Variants in PRKCE observed in about 807,000 individuals in gnomAD.
PRKCE encodes protein kinase C epsilon, also known as protein kinase C epsilon type.
A neutral mutation model predicts 85.4 loss-of-function variants in PRKCE; 16 were observed. That is an observed-to-expected ratio of 0.19 (90% CI 0.13 to 0.28). The LOEUF is 0.28. PRKCE is among the 10% of genes least tolerant of loss of function. The probability of loss-of-function intolerance (pLI) is 1.00; values close to 1 mark genes in which losing one functional copy is unlikely to be tolerated. For missense variants in PRKCE, 573 were observed against 975.2 expected, an observed-to-expected ratio of 0.59 and a Z score of 5.49; for synonymous variants, 388 against 371.5, an observed-to-expected ratio of 1.04 and a Z score of -0.51.
intron 14 of PRKCE, among the ~76,000 whole-genome samples, chr2:46,173,400 G>C (rs1398348719): frequency 6.6e-6 from 1 of 152,186 alleles, no homozygotes; most frequent in African/African-American, 2.4e-5. Flanking sequence ...CTTGCTCCAG[G>C]GGTGGGAACC....
intron 10 of PRKCE, among the ~76,000 whole-genome samples, chr2:46,085,741 T>TTTTTTTG: frequency 3.5e-5 from 1 of 28,882 alleles, no homozygotes; most frequent in African/African-American, 8.9e-5. Flanking sequence ...AATCCGTTTT[T>TTTTTTTG]TTTTTTTGTT....
rs570564416 is a variant in PRKCE, at chr2:45,938,437, A to G, written c.413-37992A>G. ...GCAAAATCTAGGACTATCCTTAGTGACTTGGAACCTACATCCTCCCTACCC... is the reference window on the plus strand; with the variant it reads ...GCAAAATCTAGGACTATCCTTAGTGGCTTGGAACCTACATCCTCCCTACCC... On this transcript the variant is annotated intron_variant, in intron 2 of 14. Coordinates refer to ENST00000306156, the MANE Select transcript of PRKCE (RefSeq NM_005400.3). 9.8e-5 allele frequency among the ~76,000 whole-genome samples: 15 copies of G among 152,308 alleles called. No individual in the cohort carries two copies. The South Asian group carries it at 2.7e-3, about 27-fold the overall frequency.
intron 1 of PRKCE, among the ~76,000 whole-genome samples, chr2:45,783,931 T>C (rs571528586): frequency 1.1e-4 from 16 of 152,366 alleles, no homozygotes; most frequent in Non-Finnish European, 2.2e-4. Flanking sequence ...CATTCATTTC[T>C]TTCTTCATCT....
intron 2 of PRKCE, among the ~76,000 whole-genome samples, chr2:45,922,189 A>T (rs1020485114): frequency 6.6e-6 from 1 of 152,200 alleles, no homozygotes; most frequent in African/African-American, 2.4e-5. Context: ...CTCTGTTGAC[A>T]TTGGTTTGAG....
At chr2:45,951,007 G>A (rs1263214318) in intron 2 of PRKCE, among the ~76,000 whole-genome samples, 2 of 152,170 alleles carry the variant, frequency 1.3e-5, no homozygotes, top group Non-Finnish European at 2.9e-5. Context: ...TAGTGTCCTT[G>A]TACATCCCCA....
intron 1 of PRKCE, among the ~76,000 whole-genome samples, chr2:45,682,588 G>C (rs1011571253): frequency 6.6e-6 from 1 of 151,938 alleles, no homozygotes; most frequent in Non-Finnish European, 1.5e-5. Context: ...CACCTTGCCT[G>C]GCTAATTTTC....
chr2:45,976,521 G>C lies in PRKCE; in HGVS notation c.505G>C (p.Gly169Arg). Residue 169 changes from glycine to arginine, a missense_variant, in exon 3 of 15, where the codon GGC becomes CGC. This residue lies in a region of PRKCE where 29 missense variants were observed against 96.2 expected (regional missense o/e 0.30). Transcript: ENST00000306156. ...AVRRRVHQVN[G>R]HKFMATYLRQ... ...CAGGCGCAGGGTCCATCAGGTCAAC[G>C]GCCACAAGTTCATGGCCACCTATCT... 1 of 1,599,774 alleles carries C rather than the reference G, an allele frequency of 6.3e-7. No individual in the cohort carries two copies. Among genetic ancestry groups the C allele is most frequent in the Non-Finnish European group, 8.5e-7 (1 of 1,179,970 alleles).
intron 12 of PRKCE, among the ~76,000 whole-genome samples, chr2:46,148,988 A>G (rs966618885): frequency 6.6e-6 from 1 of 152,210 alleles, no homozygotes; most frequent in Non-Finnish European, 1.5e-5. Flanking sequence ...TAAACAGATT[A>G]CCAGCCCCAA....
intron 11 of PRKCE, among the ~76,000 whole-genome samples, chr2:46,126,560 G>A (rs1673880067): frequency 6.6e-6 from 1 of 152,160 alleles, no homozygotes; most frequent in Non-Finnish European, 1.5e-5. Flanking sequence ...GCCTGAAAGT[G>A]AACACTTAAT....
intron 1 of PRKCE, among the ~76,000 whole-genome samples, chr2:45,781,815 G>A (rs1177367452): frequency 1.3e-5 from 2 of 152,050 alleles, no homozygotes; most frequent in Non-Finnish European, 1.5e-5. Flanking sequence ...CACAGTGCGG[G>A]GTTACTTCTG....
chr2:46,073,082 C>T (rs1304613168), intron 10 of PRKCE, among the ~76,000 whole-genome samples: 1 of 152,154 alleles, frequency 6.6e-6, no homozygotes, highest in South Asian at 2.1e-4. Flanking sequence ...AAAATGCTAC[C>T]AAGGGGTTCT....
chr2:45,743,425 G>A (rs1682748977), intron 1 of PRKCE, among the ~76,000 whole-genome samples: 1 of 151,940 alleles, frequency 6.6e-6, no homozygotes, highest in Non-Finnish European at 1.5e-5. Flanking sequence ...AAATAGCCAG[G>A]AGCCACCTGA....
At chr2:45,667,737 C>T (rs1253447028) in intron 1 of PRKCE, among the ~76,000 whole-genome samples, 3 of 151,912 alleles carry the variant, frequency 2.0e-5, no homozygotes, top group African/African-American at 7.3e-5. Context: ...ACTGAGTTCC[C>T]ATATACCCCC....
At chr2:45,912,411 C>T (rs1414927503) in intron 2 of PRKCE, among the ~76,000 whole-genome samples, 1 of 152,166 alleles carries the variant, frequency 6.6e-6, no homozygotes, top group African/African-American at 2.4e-5. Context: ...GCACACGTTG[C>T]CATCATCCCG....
At chr2:45,804,966 T>G (rs1162534076) in intron 1 of PRKCE, among the ~76,000 whole-genome samples, 1 of 141,528 alleles carries the variant, frequency 7.1e-6, no homozygotes, top group Non-Finnish European at 1.5e-5. Flanking sequence ...TTTTTTTGCA[T>G]TTGCTCTATG....
At position 46,001,374 on chromosome 2, in the gene PRKCE, T is replaced by TAG. The variant is rs566073470; in HGVS notation, c.824-29_824-28insGA. ...AGCAACATCTTAGGCCATGAACACTTATCTGTCTTTTCTCCATGTCTCCTT... is the reference window on the plus strand; with the variant it reads ...AGCAACATCTTAGGCCATGAACACTTAGATCTGTCTTTTCTCCATGTCTCCTT... On this transcript the variant is annotated intron_variant, in intron 6 of 14. Transcript: ENST00000306156. This position sits in a 1 kb window ranked among gnomAD's most constrained non-coding sequence, Gnocchi z 4.4. The TAG allele has an allele frequency of 6.3e-7, 1 of 1,587,002 alleles. No homozygotes were observed. The highest frequency in any genetic ancestry group is 2.2e-5 in the East Asian group (1 of 44,504).
intron 2 of PRKCE, 110 bp downstream of exon 2, chr2:45,843,173 T>C: frequency 1.0e-6 from 1 of 953,150 alleles, no homozygotes; most frequent in Non-Finnish European, 1.6e-6. Context: ...TTTAATTAAT[T>C]GGCATCCTTT....
intron 1 of PRKCE, among the ~76,000 whole-genome samples, chr2:45,821,621 G>A (rs564290168): frequency 6.6e-6 from 1 of 152,172 alleles, no homozygotes; most frequent in South Asian, 2.1e-4. Context: ...CTGATTTGGG[G>A]ACTGGCATGT....
At chr2:45,917,587 T>G (rs1697898740) in intron 2 of PRKCE, among the ~76,000 whole-genome samples, 2 of 152,218 alleles carry the variant, frequency 1.3e-5, no homozygotes, top group Admixed American at 6.5e-5. Flanking sequence ...CCCACCAGAT[T>G]CAGGAGCCCA....
Sources: allele counts gnomAD v4.1 joint callset (sites outside exome capture counted in the v4.1 genomes callset), GRCh38; gene constraint gnomAD v4.1.1; regional missense constraint gnomAD v4.1.1; non-coding constraint Gnocchi (gnomAD v3.1); transcripts MANE v1.5; gene names NCBI Gene and HGNC (gene_info 2026-07-23, HGNC 2026-07-21).